The following MID1 variants were observed in gnomAD, a reference collection of about 807,000 sequenced individuals.
MID1 encodes E3 ubiquitin-protein ligase Midline-1.
A neutral mutation model predicts 40.4 loss-of-function variants in MID1; 7 were observed. That is an observed-to-expected ratio of 0.17 (90% CI 0.10 to 0.33). MID1 has a LOEUF of 0.33. Among genes scored for constraint, MID1 ranks in the 10% least tolerant of loss-of-function variants. The pLI is 1.00. For missense variants in MID1, 367 were observed against 558.5 expected (o/e 0.66, Z 3.46); for synonymous variants, 229 against 221.2 (o/e 1.04, Z -0.31).
rs1928023735 is a variant in MID1 at position 10,446,049 on chromosome X, A to G, written c.*3319T>C. On this transcript the variant is annotated 3_prime_UTR_variant, in exon 10 of 10. Transcript: ENST00000317552. ...CACTGTAGGATGTTTAACGGCGTCCATGACCTCTACGCACTAGATGCTGGT... is the reference window on the plus strand; with the variant it reads ...CACTGTAGGATGTTTAACGGCGTCCGTGACCTCTACGCACTAGATGCTGGT... 9.0e-6 allele frequency: 1 copy of G among 111,536 alleles called. No individual in the cohort carries two copies. Among genetic ancestry groups the G allele is most frequent in the African/African-American group, 3.3e-5 (1 of 30,682 alleles). The allele number at this position is 111,536 out of a possible 1,213,427, so 9.2% of individuals were successfully genotyped here.
intron 1 of MID1, among the ~76,000 whole-genome samples, chrX:10,738,052 T>G (rs1322447379): frequency 9.0e-6 from 1 of 111,024 alleles, no homozygotes; most frequent in Non-Finnish European, 1.9e-5. Flanking sequence ...TGGGTACCCC[T>G]GTCATCAGTC....
At chrX:10,646,375 C>T (rs1936261496) in intron 1 of MID1, among the ~76,000 whole-genome samples, 2 of 111,618 alleles carry the variant, frequency 1.8e-5, no homozygotes, top group Admixed American at 1.9e-4. Flanking sequence ...GGGTATAAGA[C>T]TCTGGTATAG....
At chrX:10,623,753 T>A (rs1161894117), upstream of MID1, among the ~76,000 whole-genome samples, 1 of 111,826 alleles carries the variant, frequency 8.9e-6, no homozygotes, top group Non-Finnish European at 1.9e-5. Context: ...TTTTAATGTG[T>A]GTCAGGACAC....
At chrX:10,588,416 C>T (rs1194352191) in intron 1 of MID1, among the ~76,000 whole-genome samples, 2 of 111,523 alleles carry the variant, frequency 1.8e-5, no homozygotes, top group Non-Finnish European at 3.8e-5. Flanking sequence ...ATAGGAAGGC[C>T]TCAGTGCTCT....
intron 1 of MID1, among the ~76,000 whole-genome samples, chrX:10,766,325 A>T (rs935389062): frequency 9.0e-6 from 1 of 111,533 alleles, no homozygotes; most frequent in Non-Finnish European, 1.9e-5. Flanking sequence ...TACAATGCAC[A>T]GGATAATCGC....
At chrX:10,741,385 C>A (rs918246605) in intron 1 of MID1, among the ~76,000 whole-genome samples, 1 of 110,521 alleles carries the variant, frequency 9.0e-6, no homozygotes, top group Admixed American at 9.7e-5. Context: ...AAGACAGTAG[C>A]CTTGGGCTCT....
chrX:10,486,265 TAGAC>T (rs1454714568), intron 4 of MID1, among the ~76,000 whole-genome samples: 6 of 112,270 alleles, frequency 5.3e-5, no homozygotes, highest in Non-Finnish European at 7.5e-5. Context: ...GTGTCAGAGA[TAGAC>T]AGGGGCAAAA....
intron 1 of MID1, among the ~76,000 whole-genome samples, chrX:10,583,667 G>C (rs893381662): frequency 1.8e-5 from 2 of 112,279 alleles, no homozygotes; most frequent in Admixed American, 1.9e-4. Flanking sequence ...AGCCAAAAAA[G>C]CAGGAACCAT....
At chrX:10,508,924 G>A (rs1182845341) in intron 3 of MID1, among the ~76,000 whole-genome samples, 2 of 111,473 alleles carry the variant, frequency 1.8e-5, no homozygotes, top group Non-Finnish European at 3.8e-5. Context: ...AGTTTAACTT[G>A]GGAGTGGGGA....
At chrX:10,800,078 T>A (rs1196192064) in intron 1 of MID1, among the ~76,000 whole-genome samples, 1 of 111,475 alleles carries the variant, frequency 9.0e-6, no homozygotes, top group Non-Finnish European at 1.9e-5. Flanking sequence ...ACTTGGTATT[T>A]CCCTCCCCTT....
rs2043632782 is a variant in MID1, at chrX:10,756,333, A to C, written c.-187+77221T>G. Among the ~76,000 whole-genome samples the C allele has an allele frequency of 5.3e-5, 6 of 112,882 alleles. No homozygotes were observed. In the South Asian group the frequency reaches 2.2e-3, roughly 41 times the overall value. ...AAGCGAGCAATGAAATTAGAAATAA[A>C]GACATTGCATGTTAGGAGCAAAGTA... On this transcript the variant is annotated intron_variant, in intron 1 of 10. Transcript: ENST00000380785.
chrX:10,457,053 C>CTCA (rs1277632132), intron 8 of MID1, among the ~76,000 whole-genome samples: 1 of 111,622 alleles, frequency 9.0e-6, no homozygotes, highest in African/African-American at 3.3e-5. Context: ...AGTATGAAGA[C>CTCA]AGTTTTGCTT....
chrX:10,670,308 C>A (rs2042979713), intron 1 of MID1, among the ~76,000 whole-genome samples: 1 of 111,854 alleles, frequency 8.9e-6, no homozygotes, highest in South Asian at 3.7e-4. Flanking sequence ...TCAGTAATAT[C>A]TCTTGGTAAG....
At chrX:10,665,291 T>C (rs1326130577) in intron 1 of MID1, among the ~76,000 whole-genome samples, 1 of 112,029 alleles carries the variant, frequency 8.9e-6, no homozygotes, top group Non-Finnish European at 1.9e-5. Context: ...CTTAAGCCTC[T>C]AGACAGAGAT....
intron 1 of MID1, among the ~76,000 whole-genome samples, chrX:10,689,331 G>A (rs1171284336): frequency 1.8e-5 from 2 of 111,074 alleles, no homozygotes; most frequent in African/African-American, 6.6e-5. Context: ...GCAGGAGAAA[G>A]AGAGAGGGTG....
chrX:10,758,681 C>T (rs1001026815), intron 1 of MID1, among the ~76,000 whole-genome samples: 4 of 107,810 alleles, frequency 3.7e-5, no homozygotes, highest in Non-Finnish European at 7.7e-5. Flanking sequence ...TTAGTAGAGA[C>T]GGGGTTTCAC....
chrX:10,580,853 C>A (rs1934993988), intron 1 of MID1, among the ~76,000 whole-genome samples: 1 of 104,459 alleles, frequency 9.6e-6, no homozygotes, highest in African/African-American at 3.6e-5. Flanking sequence ...TTTCAGAAAA[C>A]TTTGGGCTAA....
At chrX:10,771,862 C>G (rs1245110400) in intron 1 of MID1, among the ~76,000 whole-genome samples, 2 of 109,460 alleles carry the variant, frequency 1.8e-5, no homozygotes. Flanking sequence ...ATTAAGCAAT[C>G]CAAAAATTTT....
At chrX:10,801,509 A>G (rs1186643935) in intron 1 of MID1, among the ~76,000 whole-genome samples, 1 of 112,025 alleles carries the variant, frequency 8.9e-6, no homozygotes, top group African/African-American at 3.2e-5. Context: ...TCACTTACTC[A>G]CCAGGTAGCC....
Sources: allele counts gnomAD v4.1 joint callset (sites outside exome capture counted in the v4.1 genomes callset), GRCh38; gene constraint gnomAD v4.1.1; transcripts MANE v1.5; gene names NCBI Gene and HGNC (gene_info 2026-07-23, HGNC 2026-07-21).